AP5Z1: variants seen among roughly 807,000 people sequenced by gnomAD.
AP5Z1 encodes AP-5 complex subunit zeta-1.
In AP5Z1, 106 loss-of-function variants were observed where a neutral mutation model predicts 83.0. The observed-to-expected ratio is 1.28, with a 90% CI of 1.09 to 1.50. AP5Z1 has a LOEUF of 1.50. Ranked by LOEUF, AP5Z1 falls within the 40% of genes most tolerant of loss-of-function variation. The probability of loss-of-function intolerance (pLI) is 0.00; values close to 1 mark genes in which losing one functional copy is unlikely to be tolerated. For missense variants in AP5Z1, 1,565 were observed against 1,094.2 expected (o/e 1.43, Z -6.07); for synonymous variants, 751 against 514.1 (o/e 1.46, Z -6.23).
chr7:4,784,641 CA>C (rs1166003998), intron 6 of AP5Z1, among the ~76,000 whole-genome samples: 2 of 152,176 alleles, frequency 1.3e-5, no homozygotes, highest in Non-Finnish European at 2.9e-5. Context: ...CCACTTAAGG[CA>C]GGCACCCTTA....
At chr7:4,783,272 T>C in intron 3 of AP5Z1, 44 bp from the exon 4 acceptor site, 2 of 1,529,084 alleles carry the variant, frequency 1.3e-6, no homozygotes, top group South Asian at 2.4e-5. Flanking sequence ...AGCTGGTCTC[T>C]GGCACAGGCC....
At position 4,791,769 on chromosome 7, in the gene AP5Z1, G is replaced by C. The variant is rs1460561976; in HGVS notation, c.*384G>C. On this transcript the variant is annotated 3_prime_UTR_variant, in exon 17 of 17. Coordinates refer to ENST00000649063, the MANE Select transcript of AP5Z1 (RefSeq NM_014855.3). ...CTCCTTTAATAAGCGTCTGTATGAA[G>C]AGTGCGCGATCAGTTCCGTTACCTG... The C allele has an allele frequency of 7.9e-6, 2 of 253,172 alleles. No homozygotes were observed. The highest frequency in any genetic ancestry group is 1.5e-5 in the Non-Finnish European group (2 of 130,820). The allele number at this position is 253,172 out of a possible 1,614,324, so 15.7% of individuals were successfully genotyped here. A position where few individuals can be genotyped will look rare whatever the true frequency, so the allele number is the denominator to read the frequency against.
intron 11 of AP5Z1, 106 bp from the exon 12 acceptor site, chr7:4,788,048 C>T (rs1050648689): frequency 6.0e-5 from 85 of 1,423,122 alleles, no homozygotes; most frequent in South Asian, 7.5e-5. Context: ...TCCTGGCACC[C>T]GAGGTGCTGT....
At chr7:4,789,792 G>T (rs1352890670) in intron 13 of AP5Z1, 40 bp from the exon 14 acceptor site, 6 of 1,507,472 alleles carry the variant, frequency 4.0e-6, no homozygotes, top group Non-Finnish European at 2.7e-6. Flanking sequence ...GGCCTGCAGT[G>T]GGGGTGGGGC....
At chr7:4,776,562 CAAAAA>C (rs55916241) in intron 1 of AP5Z1, among the ~76,000 whole-genome samples, 234 of 82,406 alleles carry the variant, frequency 2.8e-3, no homozygotes, top group African/African-American at 7.4e-3. Context: ...ACTGAAAATA[CAAAAA>C]AAAAAAAAAA....
chr7:4,783,549 G>A (rs1781444580), intron 4 of AP5Z1, 89 bp downstream of exon 4: 2 of 1,554,062 alleles, frequency 1.3e-6, no homozygotes, highest in Non-Finnish European at 8.8e-7. Context: ...AGTGTGGGGG[G>A]CAGGTGGGGG....
At chr7:4,787,537 C>T (rs546007662) in intron 10 of AP5Z1, 97 bp from the exon 11 acceptor site, 16 of 1,467,602 alleles carry the variant, frequency 1.1e-5, no homozygotes, top group South Asian at 6.7e-5. Flanking sequence ...CTGGGGACTG[C>T]AGGTCTGGGA....
At chr7:4,785,370 T>C in intron 7 of AP5Z1, 45 bp from the exon 8 acceptor site, 1 of 1,604,606 alleles carries the variant, frequency 6.2e-7, no homozygotes, top group East Asian at 2.2e-5. Flanking sequence ...ATTGGGCCAC[T>C]CTAAGGCTGA....
In AP5Z1 at chr7:4,783,708, C is replaced by G; in HGVS notation, c.531C>G (p.Ser177Arg). 1 of 1,550,654 alleles carries G rather than the reference C, an allele frequency of 6.4e-7. No individual in the cohort carries two copies. Among genetic ancestry groups the G allele is most frequent in the Non-Finnish European group, 8.7e-7 (1 of 1,146,954 alleles). Residue 177 changes from serine (S) to arginine (R), a missense_variant, in exon 5 of 17, where the codon AGC (serine) becomes AGG (arginine). Ser to Arg is a moderately radical substitution (Grantham distance 110). Transcript: ENST00000649063. ...TLQEDQATLLSKRLVDWLRYA... is the reference protein window; with the variant it reads ...TLQEDQATLLRKRLVDWLRYA... ...CTGCAGACCAGGCCACCCTGCTCAG[C>G]AAGCGGCTGGTCGACTGGCTGCGCT...
intron 14 of AP5Z1, chr7:4,790,134 T>C (rs2115127045): frequency 1.4e-6 from 2 of 1,453,852 alleles, no homozygotes; most frequent in East Asian, 2.5e-5. Context: ...CCCGTCCTTC[T>C]TTCTGCCGAG....
chr7:4,790,927 G>A (rs1229632657), intron 16 of AP5Z1, 40 bp downstream of exon 16: 4 of 1,539,026 alleles, frequency 2.6e-6, no homozygotes, highest in African/African-American at 1.4e-5. Context: ...CTGGCTCCTG[G>A]GGAAGAGAGG....
Position 4,788,147 on chromosome 7 carries a change from C to T in AP5Z1, c.1455-7C>T. ...CCCAGCCTGGCCTTGGGCGTCTGTC[C>T]ACGCAGGTCAGCACCGGCTGCATCC... On this transcript the variant is annotated splice_region_variant and splice_polypyrimidine_tract_variant and intron_variant, in intron 11 of 16. Coordinates refer to ENST00000649063, the MANE Select transcript of AP5Z1 (RefSeq NM_014855.3). 6.5e-7 allele frequency: 1 copy of T among 1,539,058 alleles called. No individual in the cohort carries two copies. Among genetic ancestry groups the T allele is most frequent in the Non-Finnish European group, 8.8e-7 (1 of 1,140,794 alleles).
chr7:4,787,896 C>T, intron 11 of AP5Z1, 120 bp downstream of exon 11: 7 of 1,280,518 alleles, frequency 5.5e-6, no homozygotes, highest in South Asian at 1.5e-5. Flanking sequence ...CCCCCCAACA[C>T]CTGACCAGTC....
intron 1 of AP5Z1, among the ~76,000 whole-genome samples, chr7:4,777,640 C>T (rs982156589): frequency 4.6e-5 from 7 of 152,120 alleles, no homozygotes; most frequent in Admixed American, 3.9e-4. Flanking sequence ...CCGCCTGACT[C>T]GGCCCCTCGA....
chr7:4,783,638 G>A (rs1340083450), intron 4 of AP5Z1, 51 bp from the exon 5 acceptor site: 1 of 1,522,934 alleles, frequency 6.6e-7, no homozygotes, highest in Non-Finnish European at 8.9e-7. Context: ...CAACAACCCA[G>A]GCATCTGTAG....
Position 4,775,710 on chromosome 7 carries a change from G to A in AP5Z1, c.-6G>A, listed in dbSNP as rs1270173595. ...AGGTTCGTGCGCGTCTGGTGGCGGC[G>A]GCGTGATGTTCTCGGCAGGAGCGGA... On this transcript the variant is annotated 5_prime_UTR_variant, in exon 1 of 17. Coordinates refer to ENST00000649063, the MANE Select transcript of AP5Z1 (RefSeq NM_014855.3). 1 of 1,607,072 alleles carries A rather than the reference G, an allele frequency of 6.2e-7. No individual in the cohort carries two copies.
Position 4,779,436 on chromosome 7 carries a change from CATATATAACATT to C in AP5Z1, c.42-1727_42-1716del, listed in dbSNP as rs994429998. Among the ~76,000 whole-genome samples the C allele has an allele frequency of 1.1e-4, 16 of 146,158 alleles. 1 individual carries two copies. Among genetic ancestry groups the C allele is most frequent in the African/African-American group, 1.8e-4 (7 of 39,986 alleles). Reference sequence around the variant, plus strand: ...ATGATAACATATATATCATATATAACATATATAACATTATATATAACATATATATTATATTAT... The same window carrying C: ...ATGATAACATATATATCATATATAACATATATAACATATATATTATATTAT... On this transcript the variant is annotated intron_variant, in intron 1 of 16. Transcript: ENST00000649063.
Position 4,784,356 on chromosome 7 carries a change from G to T in AP5Z1, c.775G>T (p.Gly259Cys). ...WLLHSGPEGP[G>C]TLDTDDRSEQ... Reference sequence around the variant, plus strand: ...GCTGCACAGCGGCCCCGAGGGCCCGGGCACCCTGGACACAGGTGTGCGGGG... The same window carrying T: ...GCTGCACAGCGGCCCCGAGGGCCCGTGCACCCTGGACACAGGTGTGCGGGG... Residue 259 changes from glycine (G) to cysteine (C), a missense_variant, in exon 6 of 17, where the codon GGC (glycine) becomes TGC (cysteine). Transcript: ENST00000649063. 6.3e-7 allele frequency: 1 copy of T among 1,597,460 alleles called. No homozygotes were observed.
chr7:4,791,621 G>A lies in AP5Z1; in HGVS notation c.*236G>A. ...ACTGAGCTGAGCTGAGGGGTGCCATGGAGCGGCTCTGATTGGAGGCTTGAG... is the reference window on the plus strand; with the variant it reads ...ACTGAGCTGAGCTGAGGGGTGCCATAGAGCGGCTCTGATTGGAGGCTTGAG... On this transcript the variant is annotated 3_prime_UTR_variant, in exon 17 of 17. Transcript: ENST00000649063. 3.3e-6 allele frequency: 2 copies of A among 608,784 alleles called. No individual in the cohort carries two copies. Among genetic ancestry groups the A allele is most frequent in the Non-Finnish European group, 5.5e-6 (2 of 363,854 alleles). The allele number at this position is 608,784 out of a possible 1,614,324, so 37.7% of individuals were successfully genotyped here. A position where few individuals can be genotyped will look rare whatever the true frequency, so the allele number is the denominator to read the frequency against.
Sources: allele counts gnomAD v4.1 joint callset (sites outside exome capture counted in the v4.1 genomes callset), GRCh38; gene constraint gnomAD v4.1.1; transcripts MANE v1.5; gene names NCBI Gene and HGNC (gene_info 2026-07-23, HGNC 2026-07-21).